MAP4K4: variants seen among roughly 807,000 people sequenced by gnomAD.
MAP4K4 encodes the protein mitogen-activated protein kinase kinase kinase kinase 4.
MAP4K4 carries 38 observed loss-of-function variants against 189.6 expected under a neutral mutation model. The observed-to-expected ratio is 0.20, with a 90% CI of 0.15 to 0.26. MAP4K4 has a LOEUF of 0.26. Ranked by LOEUF, MAP4K4 falls within the 10% of genes least tolerant of loss-of-function variation. MAP4K4 has a pLI of 1.00. For missense variants in MAP4K4, 1,054 were observed against 1,726.9 expected, an observed-to-expected ratio of 0.61 and a Z score of 6.91; for synonymous variants, 610 against 624.3, an observed-to-expected ratio of 0.98 and a Z score of 0.34.
At chr2:101,813,268 G>A (rs554988068) in intron 3 of MAP4K4, among the ~76,000 whole-genome samples, 1 of 152,044 alleles carries the variant, frequency 6.6e-6, no homozygotes, top group South Asian at 2.1e-4. Context: ...TTACATTCAA[G>A]AGAAAAATTA....
chr2:101,788,116 A>T (rs535380528), intron 2 of MAP4K4, among the ~76,000 whole-genome samples: 13 of 148,888 alleles, frequency 8.7e-5, no homozygotes, highest in Non-Finnish European at 1.8e-4. Flanking sequence ...TTTTTTTTTT[A>T]AATAGAGAAG....
chr2:101,840,464 T>G lies in MAP4K4; in HGVS notation c.949+470T>G, dbSNP rs1286097152. ...ACATGCATAGTCAGATGACTTTGCT[T>G]TAAGTAGCATGCATAACACAAGCAT... On this transcript the variant is annotated intron_variant, in intron 10 of 32. Transcript: ENST00000324219. 2.6e-5 allele frequency among the ~76,000 whole-genome samples: 4 copies of G among 152,200 alleles called. No individual in the cohort carries two copies. In the East Asian group the frequency reaches 7.7e-4, roughly 29 times the overall value.
rs560675155 is a variant in MAP4K4, at chr2:101,698,300, C to T, written c.57+163C>T. Among the ~76,000 whole-genome samples the T allele has an allele frequency of 0.012, 1,880 of 150,728 alleles. 45 individuals are homozygous for T. Among genetic ancestry groups the T allele is most frequent in the Non-Finnish European group, 0.015 (1,001 of 67,502 alleles). On this transcript the variant is annotated intron_variant, in intron 1 of 32. Transcript: ENST00000324219. ...GCGGGCTGGTGCGGGGCGGGCGCTA[C>T]CCTCTACCGCCCCCACGCCCCGAGC...
At chr2:101,817,594 C>A (rs1345387691) in intron 3 of MAP4K4, among the ~76,000 whole-genome samples, 1 of 152,202 alleles carries the variant, frequency 6.6e-6, no homozygotes, top group Non-Finnish European at 1.5e-5. Context: ...AAAGATTCAG[C>A]AGGTGGCACT....
intron 2 of MAP4K4, among the ~76,000 whole-genome samples, chr2:101,752,906 C>T (rs150809611): frequency 1.5e-4 from 23 of 152,232 alleles, no homozygotes; most frequent in South Asian, 6.2e-4. Context: ...TGCCAGGCTC[C>T]GACTGTAGGG....
At chr2:101,771,866 C>G (rs538414015) in intron 2 of MAP4K4, among the ~76,000 whole-genome samples, 22 of 152,304 alleles carry the variant, frequency 1.4e-4, no homozygotes, top group Admixed American at 5.9e-4. Context: ...AGCAAAATCC[C>G]TACATAATTT....
intron 2 of MAP4K4, among the ~76,000 whole-genome samples, chr2:101,729,202 G>C (rs776422878): frequency 5.3e-5 from 8 of 150,412 alleles, no homozygotes; most frequent in Non-Finnish European, 1.0e-4. Flanking sequence ...CGATGTTGTA[G>C]AAGACATTAT....
chr2:101,768,702 G>A (rs1377653423), intron 2 of MAP4K4, among the ~76,000 whole-genome samples: 6 of 152,162 alleles, frequency 3.9e-5, no homozygotes, highest in Non-Finnish European at 2.9e-5. Context: ...ACAGAAAAGG[G>A]TGTTTCCAGC....
exon 15 of MAP4K4, chr2:101,859,764 A>G (rs2097580426): frequency 6.2e-7 from 1 of 1,610,292 alleles, no homozygotes; most frequent in African/African-American, 1.3e-5. Flanking sequence ...CACCCGCAGC[A>G]CTCGCAGCAG....
At chr2:101,759,461 C>T (rs1415214641) in intron 2 of MAP4K4, among the ~76,000 whole-genome samples, 9 of 139,200 alleles carry the variant, frequency 6.5e-5, no homozygotes, top group Middle Eastern at 3.7e-3. Context: ...TTGCCATTTC[C>T]CTTTCCCTTT....
In MAP4K4 at chr2:101,885,218, T is replaced by A. The variant is rs747231191; in HGVS notation, c.3552T>A (p.Ile1184=). The change falls in exon 29 of 33, where the codon ATT becomes ATA. Residue 1184 remains isoleucine, a synonymous_variant. Coordinates refer to ENST00000324219, the Ensembl canonical transcript of MAP4K4. ...ATGAAAGAATCAAATTTCTGGTGATTGCTTTGAAGAGTTCTGTGGAAGTCT... is the reference window on the plus strand; with the variant it reads ...ATGAAAGAATCAAATTTCTGGTGATAGCTTTGAAGAGTTCTGTGGAAGTCT... 3 of 1,605,652 alleles carry A rather than the reference T, an allele frequency of 1.9e-6. No homozygotes were observed. The Admixed American group carries it at 5.1e-5, about 27-fold the overall frequency.
chr2:101,784,564 A>G (rs1446209577), intron 2 of MAP4K4, among the ~76,000 whole-genome samples: 1 of 152,216 alleles, frequency 6.6e-6, no homozygotes, highest in East Asian at 1.9e-4. Flanking sequence ...GGGAACAAAT[A>G]AAAGCCTCTT....
At chr2:101,837,573 C>A (rs1022553231) in intron 9 of MAP4K4, among the ~76,000 whole-genome samples, 39 of 152,230 alleles carry the variant, frequency 2.6e-4, no homozygotes, top group Middle Eastern at 3.4e-3. Flanking sequence ...CTCTGGACAT[C>A]CACGGGTGGC....
chr2:101,819,969 C>T (rs1028111192), intron 3 of MAP4K4, among the ~76,000 whole-genome samples: 6 of 152,072 alleles, frequency 3.9e-5, no homozygotes, highest in African/African-American at 9.7e-5. Context: ...TGTGCCAATT[C>T]GGGAGTTTTC....
At chr2:101,844,113 C>T (rs1170013949) in exon 12 of MAP4K4, 9 of 1,611,296 alleles carry the variant, frequency 5.6e-6, no homozygotes, top group East Asian at 2.2e-5. Flanking sequence ...CCATTGTGAA[C>T]GTGCCTGGTG....
At chr2:101,876,499 A>G (rs1456846346) in intron 26 of MAP4K4, among the ~76,000 whole-genome samples, 2 of 152,202 alleles carry the variant, frequency 1.3e-5, no homozygotes, top group Non-Finnish European at 2.9e-5. Flanking sequence ...GAAAAGCTTA[A>G]ATGTGAGTGA....
intron 2 of MAP4K4, among the ~76,000 whole-genome samples, chr2:101,727,188 C>G (rs1449981993): frequency 6.6e-6 from 1 of 152,178 alleles, no homozygotes; most frequent in East Asian, 1.9e-4. Context: ...CCATTACACC[C>G]TCTCATAGCT....
At chr2:101,858,485 C>T (rs897495255) in intron 13 of MAP4K4, among the ~76,000 whole-genome samples, 1 of 152,142 alleles carries the variant, frequency 6.6e-6, no homozygotes. Context: ...GGAATGTAGT[C>T]ATTCCAGGTG....
intron 2 of MAP4K4, among the ~76,000 whole-genome samples, chr2:101,755,619 A>G (rs1318211669): frequency 6.6e-6 from 1 of 151,324 alleles, no homozygotes; most frequent in African/African-American, 2.4e-5. Flanking sequence ...CTAGCTGCAC[A>G]CTCTTTTCTT....
Sources: allele counts gnomAD v4.1 joint callset (sites outside exome capture counted in the v4.1 genomes callset), GRCh38; gene constraint gnomAD v4.1.1; transcripts MANE v1.5; gene names NCBI Gene and HGNC (gene_info 2026-07-23, HGNC 2026-07-21).